ZMAT1: variants seen among roughly 807,000 people sequenced by gnomAD.
ZMAT1 encodes zinc finger matrin-type 1.
ZMAT1 carries 11 observed loss-of-function variants against 18.5 expected under a neutral mutation model. The observed-to-expected ratio is 0.59, with a 90% CI of 0.37 to 0.98. The LOEUF (loss-of-function observed/expected upper bound fraction) is 0.98. ZMAT1 is among the 50% of genes least tolerant of loss of function. ZMAT1 has a pLI of 0.01. For synonymous variants in ZMAT1, 211 were observed against 176.4 expected, an observed-to-expected ratio of 1.20 and a Z score of -1.55; for missense variants, 525 against 496.2, an observed-to-expected ratio of 1.06 and a Z score of -0.55.
intron 1 of ZMAT1, chrX:101,912,151 C>T: frequency 2.6e-6 from 2 of 757,725 alleles, no homozygotes; most frequent in Non-Finnish European, 1.9e-6. Context: ...CTCAATCATA[C>T]ACATGAGAAA....
At chrX:101,892,665 TAAAC>T in intron 4 of ZMAT1, 2 of 692,046 alleles carry the variant, frequency 2.9e-6, no homozygotes, top group African/African-American at 2.3e-5. Context: ...ATTAGTAAGA[TAAAC>T]AAAACAAATA....
intron 1 of ZMAT1, among the ~76,000 whole-genome samples, chrX:101,907,598 C>T (rs778137125): frequency 8.9e-6 from 1 of 112,249 alleles, no homozygotes; most frequent in Non-Finnish European, 1.9e-5. Context: ...TCTATACAAA[C>T]GGTCTGACAA....
At chrX:101,912,683 GTA>G (rs1206703297) in intron 1 of ZMAT1, among the ~76,000 whole-genome samples, 3 of 112,054 alleles carry the variant, frequency 2.7e-5, no homozygotes, top group African/African-American at 9.7e-5. Flanking sequence ...TGGTTTGTGT[GTA>G]TATTGTTTGA....
rs1224538706 is a variant in ZMAT1 at position 101,884,876 on chromosome X, ATT to A, written c.777-57_777-56del. 9.4e-6 allele frequency: 7 copies of A among 741,218 alleles called. No individual in the cohort carries two copies. The African/African-American group carries it at 1.5e-4, about 16-fold the overall frequency. The allele number at this position is 741,218 out of a possible 1,213,427, so 61.1% of individuals were successfully genotyped here. ...TAGATTATTTTATTCTAAATATTTT[ATT>A]TGTTCTTAAAAGTATTAGTCTGAAA... is the stretch of plus-strand genomic sequence containing the variant. On this transcript the variant is annotated intron_variant, in intron 5 of 5. Transcript: ENST00000651725.
In ZMAT1 at chrX:101,882,334, T is replaced by C. The variant is rs1053933167; in HGVS notation, c.*1176A>G. ...ATATAAACATTTCCAGAATATAGACTGACCTTATATCAGTACTTTTTGAGA... is the reference window on the plus strand; with the variant it reads ...ATATAAACATTTCCAGAATATAGACCGACCTTATATCAGTACTTTTTGAGA... On this transcript the variant is annotated 3_prime_UTR_variant, in exon 6 of 6. Transcript: ENST00000651725. 5 of 111,698 alleles carry C rather than the reference T, an allele frequency of 4.5e-5. No homozygotes were observed. Among genetic ancestry groups the C allele is most frequent in the Non-Finnish European group, 9.4e-5 (5 of 52,932 alleles). The allele number at this position is 111,698 out of a possible 1,213,427, so 9.2% of individuals were successfully genotyped here. A position where few individuals can be genotyped will look rare whatever the true frequency, so the allele number is the denominator to read the frequency against.
chrX:101,912,976 C>G (rs1234397336), intron 1 of ZMAT1, among the ~76,000 whole-genome samples: 3 of 111,053 alleles, frequency 2.7e-5, no homozygotes, highest in Non-Finnish European at 5.7e-5. Flanking sequence ...GAGATTTTTC[C>G]TTTGTTAAAC....
chrX:101,900,116 T>C (rs1320358809), intron 2 of ZMAT1, among the ~76,000 whole-genome samples: 2 of 112,120 alleles, frequency 1.8e-5, no homozygotes, highest in African/African-American at 3.2e-5. Flanking sequence ...TTGAGAATCA[T>C]CTATTCATGT....
At position 101,931,742 on chromosome X, in the gene ZMAT1, T is replaced by C; in HGVS notation, c.267A>G (p.Val89=). Residue 89 remains valine, a synonymous_variant, in exon 1 of 6, where the codon GTA becomes GTG. Coordinates refer to ENST00000651725, the MANE Select transcript of ZMAT1 (RefSeq NM_001394560.1). ...AAGRGGSSFK[V]DTRPCLREDA... is the part of the protein sequence containing the mutation. The stretch of plus-strand genomic sequence containing the variant: ...CTTCTCTGAGGCAAGGGCGGGTGTC[T>C]ACTTTAAAACTACTGCCCCCCCTCC... 1.3e-6 allele frequency: 1 copy of C among 765,492 alleles called. No homozygotes were observed. The highest frequency in any genetic ancestry group is 1.5e-6 in the Non-Finnish European group (1 of 646,983). The allele number at this position is 765,492 out of a possible 1,213,427, so 63.1% of individuals were successfully genotyped here.
chrX:101,913,384 AG>A (rs1345619141), intron 1 of ZMAT1, among the ~76,000 whole-genome samples: 1 of 111,399 alleles, frequency 9.0e-6, no homozygotes, highest in African/African-American at 3.3e-5. Context: ...CCCCATCAAA[AG>A]ACACTGACTC....
chrX:101,901,381 G>A (rs1430793214), intron 2 of ZMAT1, among the ~76,000 whole-genome samples: 2 of 110,943 alleles, frequency 1.8e-5, no homozygotes, highest in Admixed American at 1.9e-4. Flanking sequence ...TCCTTGTCTT[G>A]TTCCATTCCT....
chrX:101,890,659 G>C (rs898148015), intron 4 of ZMAT1, among the ~76,000 whole-genome samples: 1 of 111,032 alleles, frequency 9.0e-6, no homozygotes, highest in Non-Finnish European at 1.9e-5. Context: ...AGTCTCACTT[G>C]GTAAAAGTAA....
At chrX:101,921,875 AT>A (rs1171584039) in intron 1 of ZMAT1, among the ~76,000 whole-genome samples, 1 of 111,216 alleles carries the variant, frequency 9.0e-6, no homozygotes, top group Non-Finnish European at 1.9e-5. Flanking sequence ...TAGCTTCACC[AT>A]TTTTTGGTGG....
chrX:101,908,932 T>C (rs1158577477), intron 1 of ZMAT1, among the ~76,000 whole-genome samples: 1 of 110,120 alleles, frequency 9.1e-6, no homozygotes, highest in Non-Finnish European at 1.9e-5. Flanking sequence ...AGACACCAGC[T>C]GGGGCAGCCA....
rs1200902625 is a variant in ZMAT1, at chrX:101,931,907, C to G, written c.102G>C (p.Ala34=). ...AASSSSYTAC[A]AAAAAAAAAA... is the part of the protein sequence containing the mutation. ...CCGCCGCCGCCGCCGCCGCCGCTGC[C>G]GCGCAGGCGGTGTAGGAGGAGGAGG... The change falls in exon 1 of 6, where the codon GCG becomes GCC. Residue 34 remains alanine (A), a synonymous_variant. Transcript: ENST00000651725. 5.0e-6 allele frequency: 4 copies of G among 797,275 alleles called. No individual in the cohort carries two copies. In the African/African-American group the frequency reaches 9.2e-5, roughly 18 times the overall value. 65.7% of individuals were successfully genotyped at this position (797,275 alleles called of 1,213,427 possible). A position where few individuals can be genotyped will look rare whatever the true frequency, so the allele number is the denominator to read the frequency against.
In ZMAT1 at chrX:101,884,616, T is replaced by C; in HGVS notation, c.982A>G (p.Arg328Gly). 8.3e-7 allele frequency: 1 copy of C among 1,211,441 alleles called. No homozygotes were observed. Among genetic ancestry groups the C allele is most frequent in the Non-Finnish European group, 1.1e-6 (1 of 895,239 alleles). Residue 328 changes from arginine to glycine, a missense_variant, in exon 6 of 6, where the codon AGA (arginine) becomes GGA (glycine). By Grantham distance (125) the Arg-to-Gly change is moderately radical (BLOSUM62 -2). Coordinates refer to ENST00000651725, the MANE Select transcript of ZMAT1 (RefSeq NM_001394560.1). The stretch of plus-strand genomic sequence containing the variant: ...GTCCGGAAAGTCTCAAATGGGAGTC[T>C]TTGTTCAAACATTCTATGTCTGGGT... ...SRPRHRMFEQ[R>G]LPFETFRTYA...
At chrX:101,904,402 A>T in intron 1 of ZMAT1, 72 bp from the exon 2 acceptor site, 1 of 789,019 alleles carries the variant, frequency 1.3e-6, no homozygotes, top group Admixed American at 3.2e-5. Context: ...TCATTCCTCA[A>T]CTATATATGA....
chrX:101,894,841 A>G, intron 4 of ZMAT1: 1 of 752,560 alleles, frequency 1.3e-6, no homozygotes, highest in Non-Finnish European at 1.6e-6. Context: ...TGAGTGGAGG[A>G]AAAGAAGTGG....
chrX:101,891,672 C>T (rs1409968464), intron 4 of ZMAT1, among the ~76,000 whole-genome samples: 2 of 110,891 alleles, frequency 1.8e-5, no homozygotes, highest in Non-Finnish European at 3.8e-5. Context: ...ATGAAAAGTC[C>T]ACCAAAGCAA....
intron 4 of ZMAT1, among the ~76,000 whole-genome samples, chrX:101,897,278 G>A (rs1396766256): frequency 7.7e-5 from 7 of 90,682 alleles, no homozygotes; most frequent in African/African-American, 1.2e-4. Context: ...TCATAGGTGG[G>A]AATTGAACAA....
Sources: allele counts gnomAD v4.1 joint callset (sites outside exome capture counted in the v4.1 genomes callset), GRCh38; gene constraint gnomAD v4.1.1; transcripts MANE v1.5; gene names NCBI Gene and HGNC (gene_info 2026-07-23, HGNC 2026-07-21).